The following SLC35D4 variants were observed in gnomAD, a reference collection of about 807,000 sequenced individuals.
SLC35D4 encodes the protein solute carrier family 35 member D4, also known as UDP-N-acetylglucosamine transporter SLC35D4.
At chr18:23,311,222 T>C in the SLC35D4 span, among the ~76,000 whole-genome samples, 1 of 151,876 alleles carries the variant, frequency 6.6e-6, no homozygotes, top group Non-Finnish European at 1.5e-5. Flanking sequence ...CCCGAGTAGC[T>C]GGGCCTATAG....
chr18:23,361,308 G>A, the SLC35D4 span, among the ~76,000 whole-genome samples: 48 of 152,036 alleles, frequency 3.2e-4, no homozygotes, highest in African/African-American at 1.1e-3. Flanking sequence ...ACACACTCAG[G>A]CCCCACTGCA....
chr18:23,378,550 G>A, the SLC35D4 span, among the ~76,000 whole-genome samples: 4 of 152,318 alleles, frequency 2.6e-5, no homozygotes, highest in Admixed American at 2.0e-4. Context: ...AAGACATTCT[G>A]ATTTGGACTC....
chr18:23,364,962 T>C, the SLC35D4 span, among the ~76,000 whole-genome samples: 1 of 132,902 alleles, frequency 7.5e-6, no homozygotes, highest in Non-Finnish European at 1.6e-5. Flanking sequence ...ATTATGAGAA[T>C]TGGATGGTGA....
chr18:23,283,939 G>A, the SLC35D4 span, among the ~76,000 whole-genome samples: 5 of 152,184 alleles, frequency 3.3e-5, no homozygotes, highest in African/African-American at 1.2e-4. Flanking sequence ...GATTATTCAT[G>A]AGTCTTTCAG....
chr18:23,360,822 C>G, the SLC35D4 span, among the ~76,000 whole-genome samples: 2 of 151,966 alleles, frequency 1.3e-5, no homozygotes, highest in Non-Finnish European at 2.9e-5. Flanking sequence ...AAAGAAGGGG[C>G]TGGGTGCAGC....
chr18:23,414,331 A>AAGGAAGGAAGGAAGGAAGGC, the SLC35D4 span, among the ~76,000 whole-genome samples: 983 of 140,452 alleles, frequency 7.0e-3, 5 homozygotes, highest in Non-Finnish European at 9.6e-3. Flanking sequence ...GGAAGGAAGG[A>AAGGAAGGAAGGAAGGAAGGC]AGGCAGGCAG....
chr18:23,378,317 G>A, the SLC35D4 span, among the ~76,000 whole-genome samples: 1 of 151,810 alleles, frequency 6.6e-6, no homozygotes, highest in Non-Finnish European at 1.5e-5. Context: ...GATTACAGGC[G>A]TGAGCCACTG....
chr18:23,394,708 A>C, the SLC35D4 span, among the ~76,000 whole-genome samples: 1 of 152,200 alleles, frequency 6.6e-6, no homozygotes, highest in Non-Finnish European at 1.5e-5. Context: ...GCAGTGGCTC[A>C]TGCCTGTAAT....
At chr18:23,298,935 T>C in the SLC35D4 span, among the ~76,000 whole-genome samples, 1 of 152,204 alleles carries the variant, frequency 6.6e-6, no homozygotes. Flanking sequence ...CCACGGCGCC[T>C]TCGCACCTTG....
the SLC35D4 span, among the ~76,000 whole-genome samples, chr18:23,250,426 G>A: frequency 2.0e-5 from 3 of 152,210 alleles, no homozygotes; most frequent in Admixed American, 2.0e-4. Context: ...CCCAGCTTGA[G>A]GCGAGCATGT....
the SLC35D4 span, among the ~76,000 whole-genome samples, chr18:23,242,270 C>T: frequency 6.6e-6 from 1 of 152,190 alleles, no homozygotes; most frequent in East Asian, 1.9e-4. Context: ...GAGAATGAAA[C>T]TCTGTCTCAA....
the SLC35D4 span, among the ~76,000 whole-genome samples, chr18:23,263,723 C>G: frequency 1.2e-4 from 18 of 152,208 alleles, no homozygotes; most frequent in Admixed American, 5.9e-4. Context: ...TTGTTTTGCT[C>G]TAAGGCTAAG....
the SLC35D4 span, among the ~76,000 whole-genome samples, chr18:23,334,446 C>T: frequency 6.6e-6 from 1 of 152,200 alleles, no homozygotes. Context: ...ACAGAAACAA[C>T]CAAAATTACA....
At chr18:23,355,692 G>A in the SLC35D4 span, among the ~76,000 whole-genome samples, 1 of 150,524 alleles carries the variant, frequency 6.6e-6, no homozygotes, top group Admixed American at 6.7e-5. Context: ...TGCTTCACAA[G>A]GCACTGTTTG....
chr18:23,248,201 G>A, the SLC35D4 span, among the ~76,000 whole-genome samples: 15 of 152,236 alleles, frequency 9.9e-5, no homozygotes, highest in Non-Finnish European at 1.6e-4. Flanking sequence ...GCAGGGGCAG[G>A]GGCAGGACTC....
the SLC35D4 span, among the ~76,000 whole-genome samples, chr18:23,418,398 G>GTC: frequency 7.0e-6 from 1 of 143,632 alleles, no homozygotes; most frequent in African/African-American, 2.6e-5. Context: ...TTGAGACAGG[G>GTC]TCTCACTCTG....
chr18:23,381,817 G>A, the SLC35D4 span, among the ~76,000 whole-genome samples: 2 of 152,148 alleles, frequency 1.3e-5, no homozygotes, highest in Admixed American at 6.6e-5. Context: ...CAGTCCTACC[G>A]TCACCCTCAT....
chr18:23,344,209 G>A, the SLC35D4 span, among the ~76,000 whole-genome samples: 1 of 152,174 alleles, frequency 6.6e-6, no homozygotes, highest in African/African-American at 2.4e-5. Context: ...TGGCTGCATA[G>A]TATCCCATGG....
chr18:23,308,848 TTCTCTCTCTCTC>T, the SLC35D4 span, among the ~76,000 whole-genome samples: 1 of 140,270 alleles, frequency 7.1e-6, no homozygotes, highest in South Asian at 2.4e-4. Context: ...AGCACGTGTT[TTCTCTCTCTCTC>T]TCTCTCTCTC....
Sources: allele counts gnomAD v4.1 joint callset (sites outside exome capture counted in the v4.1 genomes callset), GRCh38; gene constraint gnomAD v4.1.1; transcripts MANE v1.5; gene names NCBI Gene and HGNC (gene_info 2026-07-23, HGNC 2026-07-21).